SLCO4A1: variants seen among roughly 807,000 people sequenced by gnomAD.
SLCO4A1 encodes the protein solute carrier organic anion transporter family member 4A1.
Under a neutral mutation model 64.6 loss-of-function variants are expected in SLCO4A1, and 51 were observed. That is an observed-to-expected ratio of 0.79 (90% CI 0.63 to 1.00). The LOEUF is 1.00. Among genes scored for constraint, SLCO4A1 ranks in the 50% least tolerant of loss-of-function variants. The pLI is 0.00. For missense variants in SLCO4A1, 919 were observed against 980.5 expected (o/e 0.94, Z 0.84); for synonymous variants, 471 against 444.9 (o/e 1.06, Z -0.74).
chr20:62,671,457 C>CA (rs982022614), intron 11 of SLCO4A1, among the ~76,000 whole-genome samples: 79 of 152,306 alleles, frequency 5.2e-4, no homozygotes, highest in Middle Eastern at 3.4e-3. Flanking sequence ...ACCCTATTTC[C>CA]AAAAAAGGTC....
intron 5 of SLCO4A1, among the ~76,000 whole-genome samples, chr20:62,664,122 A>AC (rs11421246): frequency 0.017 from 2,579 of 151,822 alleles, 59 homozygotes; most frequent in African/African-American, 0.058. Context: ...TTATCCTGAG[A>AC]CCCCACAGCC....
chr20:62,666,736 A>G, intron 7 of SLCO4A1, 161 bp downstream of exon 7: 2 of 651,448 alleles, frequency 3.1e-6, no homozygotes, highest in South Asian at 3.7e-5. Context: ...GGCACCCGGC[A>G]GCATCCACGT....
At position 62,672,271 on chromosome 20, in the gene SLCO4A1, A is replaced by G; in HGVS notation, c.*378A>G. 1 of 1,143,904 alleles carries G rather than the reference A, an allele frequency of 8.7e-7. No homozygotes were observed. Among genetic ancestry groups the G allele is most frequent in the Non-Finnish European group, 1.1e-6 (1 of 923,690 alleles). 70.9% of individuals were successfully genotyped at this position (1,143,904 alleles called of 1,614,324 possible). On this transcript the variant is annotated 3_prime_UTR_variant, in exon 12 of 12. Coordinates refer to ENST00000217159, the MANE Select transcript of SLCO4A1 (RefSeq NM_016354.4). ...CTCAGTTAAAACTGTGCATATCGAA[A>G]TATATTTTGTTATTTAAGCCTGCGT...
intron 2 of SLCO4A1, among the ~76,000 whole-genome samples, chr20:62,680,215 T>C (rs1311067250): frequency 6.6e-6 from 1 of 152,246 alleles, no homozygotes; most frequent in Admixed American, 6.5e-5. Context: ...GAGTCCCGTG[T>C]GCTGACCCTG....
At chr20:62,662,394 T>C (rs1448311981) in intron 5 of SLCO4A1, among the ~76,000 whole-genome samples, 2 of 152,058 alleles carry the variant, frequency 1.3e-5, no homozygotes, top group Admixed American at 1.3e-4. Flanking sequence ...GAGCTGAGGG[T>C]CAGGCGCCCT....
intron 1 of SLCO4A1, chr20:62,642,891 G>C (rs751934797): frequency 2.5e-6 from 1 of 395,086 alleles, no homozygotes; most frequent in Admixed American, 3.0e-5. Context: ...GGCAGGGACT[G>C]TCGGAGTGGC....
chr20:62,673,074 A>C (rs1228898382), downstream of SLCO4A1, among the ~76,000 whole-genome samples: 10 of 143,396 alleles, frequency 7.0e-5, 2 homozygotes, highest in Admixed American at 4.9e-4. Flanking sequence ...AAGTAAGGAG[A>C]TAAAACACAG....
chr20:62,681,924 A>G (rs1419703997), intron 2 of SLCO4A1, among the ~76,000 whole-genome samples: 1 of 152,130 alleles, frequency 6.6e-6, no homozygotes, highest in Non-Finnish European at 1.5e-5. Context: ...AGCTACAAGG[A>G]TGAACTAATT....
chr20:62,659,504 T>C (rs1459436369), intron 3 of SLCO4A1, among the ~76,000 whole-genome samples: 1 of 152,176 alleles, frequency 6.6e-6, no homozygotes, highest in East Asian at 1.9e-4. Context: ...ATTGATAATG[T>C]GGGGTCAAGT....
chr20:62,670,754 A>G (rs1987100166), intron 11 of SLCO4A1, among the ~76,000 whole-genome samples: 1 of 152,238 alleles, frequency 6.6e-6, no homozygotes, highest in Non-Finnish European at 1.5e-5. Flanking sequence ...CCAGAGGGTC[A>G]GAGTTGGCCT....
chr20:62,669,791 A>T (rs1014908262), intron 11 of SLCO4A1, among the ~76,000 whole-genome samples: 32 of 151,854 alleles, frequency 2.1e-4, no homozygotes, highest in African/African-American at 7.7e-4. Flanking sequence ...TCCAGGAGGG[A>T]GGTTAGAGAA....
downstream of SLCO4A1, among the ~76,000 whole-genome samples, chr20:62,687,174 G>GATGGAAAGGGCA (rs1569159352): frequency 7.2e-6 from 1 of 138,010 alleles, no homozygotes; most frequent in African/African-American, 3.0e-5. Context: ...TGGAAAGGGC[G>GATGGAAAGGGCA]CCCCCAAACA....
Position 62,645,305 on chromosome 20 carries a change from T to C in SLCO4A1, c.-97+2752T>C, listed in dbSNP as rs911277957. Among the ~76,000 whole-genome samples the C allele has an allele frequency of 6.6e-6, 1 of 152,102 alleles. No individual in the cohort carries two copies. The highest frequency in any genetic ancestry group is 2.4e-5 in the African/African-American group (1 of 41,438). ...AGGGGTGTGAGGAGGAAACTGGCCC[T>C]GCTGCTGGGACAACAGACTCTGGGC... On this transcript the variant is annotated intron_variant, in intron 1 of 11. Transcript: ENST00000217159. The surrounding 1 kb of genome is among the most constrained non-coding windows in gnomAD (Gnocchi z 4.2).
intron 1 of SLCO4A1, chr20:62,651,852 A>T (rs1305121573): frequency 6.6e-6 from 1 of 152,170 alleles, no homozygotes; most frequent in Non-Finnish European, 1.5e-5. Flanking sequence ...AGGGCTGAAC[A>T]AACTGCCTGT....
Position 62,656,757 on chromosome 20 carries a change from G to A in SLCO4A1, c.303G>A (p.Thr101=), listed in dbSNP as rs1317011216. The change falls in exon 2 of 12, where the codon ACG becomes ACA. Residue 101 remains threonine, a synonymous_variant. Coordinates refer to ENST00000217159, the MANE Select transcript of SLCO4A1 (RefSeq NM_016354.4). ...FAPPCLQVLN[T]PKGILFFLCA... ...CGCCGTGCCTGCAGGTCCTCAACACGCCCAAGGGCATCCTGTTCTTCCTGT... is the reference window on the plus strand; with the variant it reads ...CGCCGTGCCTGCAGGTCCTCAACACACCCAAGGGCATCCTGTTCTTCCTGT... The A allele has an allele frequency of 4.3e-6, 7 of 1,612,474 alleles. 1 individual carries two copies. The highest frequency in any genetic ancestry group is 2.2e-5 in the South Asian group (2 of 91,058).
At chr20:62,658,464 G>A (rs1350982775) in intron 2 of SLCO4A1, among the ~76,000 whole-genome samples, 1 of 152,270 alleles carries the variant, frequency 6.6e-6, no homozygotes, top group Non-Finnish European at 1.5e-5. Context: ...AGTGCACTTG[G>A]CTTTGAGGGG....
downstream of SLCO4A1, among the ~76,000 whole-genome samples, chr20:62,686,448 C>T (rs538362883): frequency 9.2e-5 from 14 of 152,074 alleles, no homozygotes; most frequent in Admixed American, 7.9e-4. Context: ...CACCAAGGGC[C>T]GGGGACAGAG....
intron 1 of SLCO4A1, among the ~76,000 whole-genome samples, chr20:62,655,055 C>T (rs1322858256): frequency 6.6e-6 from 1 of 152,202 alleles, no homozygotes; most frequent in Non-Finnish European, 1.5e-5. Context: ...CTTTAAAGGC[C>T]TGAGTTTCAA....
intron 10 of SLCO4A1, among the ~76,000 whole-genome samples, 194 bp downstream of exon 10, chr20:62,668,735 G>A (rs1986825604): frequency 6.6e-6 from 1 of 152,220 alleles, no homozygotes; most frequent in African/African-American, 2.4e-5. Flanking sequence ...TTCCCTGGGA[G>A]ATCATGGGAA....
Sources: gnomAD v4.1 joint callset for allele counts (sites outside exome capture counted in the v4.1 genomes callset) on GRCh38, gnomAD v4.1.1 for gene constraint, Gnocchi (gnomAD v3.1) non-coding constraint, MANE v1.5 for transcripts, NCBI Gene and HGNC (gene_info 2026-07-23, HGNC 2026-07-21) for gene names.